ARHGAP19: variants seen among roughly 807,000 people sequenced by gnomAD.
The protein encoded by ARHGAP19 is Rho GTPase activating protein 19, also known as rho GTPase-activating protein 19.
Under a neutral mutation model 60.9 loss-of-function variants are expected in ARHGAP19, and 48 were observed. That is an observed-to-expected ratio of 0.79 (90% CI 0.62 to 1.00). The LOEUF is 1.00. Ranked by LOEUF, ARHGAP19 falls within the 50% of genes least tolerant of loss-of-function variation. The pLI is 0.00. For synonymous variants in ARHGAP19, 209 were observed against 215.5 expected (o/e 0.97, Z 0.27); for missense variants, 562 against 597.2 (o/e 0.94, Z 0.61).
Position 97,223,392 on chromosome 10 carries a change from C to T in ARHGAP19, c.*2730G>A, listed in dbSNP as rs1285465339. ...CATTGGTCCCAATGCAAAAGTCTAT[C>T]ATTGTAAAAGGTGAGAAATTCCAAC... On this transcript the variant is annotated 3_prime_UTR_variant, in exon 12 of 12. Transcript: ENST00000358531. 1 of 152,134 alleles carries T rather than the reference C, an allele frequency of 6.6e-6. No individual in the cohort carries two copies. The highest frequency in any genetic ancestry group is 2.4e-5 in the African/African-American group (1 of 41,402). 9.4% of individuals were successfully genotyped at this position (152,134 alleles called of 1,614,324 possible). A position where few individuals can be genotyped will look rare whatever the true frequency, so the allele number is the denominator to read the frequency against.
intron 1 of ARHGAP19, among the ~76,000 whole-genome samples, chr10:97,268,750 C>T (rs1364912944): frequency 6.6e-6 from 1 of 152,202 alleles, no homozygotes; most frequent in Middle Eastern, 3.2e-3. Context: ...TCCCACTGGG[C>T]TCCTCCCACA....
chr10:97,224,590 C>T lies in ARHGAP19; in HGVS notation c.*1532G>A, dbSNP rs1006001767. 43 of 152,354 alleles carry T rather than the reference C, an allele frequency of 2.8e-4. No homozygotes were observed. The highest frequency in any genetic ancestry group is 1.8e-3 in the Admixed American group (27 of 15,302). The allele number at this position is 152,354 out of a possible 1,614,324, so 9.4% of individuals were successfully genotyped here. A position where few individuals can be genotyped will look rare whatever the true frequency, so the allele number is the denominator to read the frequency against. ...GCTGGGCACAAGGCCAAGCTCTGCT[C>T]CCCCAGAGTCATCTTTCATTTCAGC... On this transcript the variant is annotated 3_prime_UTR_variant, in exon 12 of 12. Transcript: ENST00000358531.
chr10:97,249,975 G>A (rs1249901437), intron 6 of ARHGAP19, among the ~76,000 whole-genome samples: 3 of 151,896 alleles, frequency 2.0e-5, no homozygotes, highest in African/African-American at 2.4e-5. Flanking sequence ...TAGTAGAGAC[G>A]GGGTTTCACC....
chr10:97,283,446 C>T (rs1190776391), intron 1 of ARHGAP19, among the ~76,000 whole-genome samples: 6 of 151,470 alleles, frequency 4.0e-5, no homozygotes, highest in East Asian at 2.0e-4. Context: ...CCCAGCTACT[C>T]GGGAGGCCGA....
At chr10:97,291,064 G>A (rs1233286635) in intron 1 of ARHGAP19, among the ~76,000 whole-genome samples, 13 of 152,054 alleles carry the variant, frequency 8.5e-5, no homozygotes. Flanking sequence ...CAATCAGAGA[G>A]CTCACTAAAA....
intron 1 of ARHGAP19, 90 bp downstream of exon 1, chr10:97,292,482 A>C: frequency 6.7e-7 from 1 of 1,501,482 alleles, no homozygotes; most frequent in Non-Finnish European, 9.2e-7. Flanking sequence ...ACAAAGCCCG[A>C]ACCGTGCGCC....
At chr10:97,246,807 C>A (rs1371284009) in intron 6 of ARHGAP19, among the ~76,000 whole-genome samples, 2 of 152,042 alleles carry the variant, frequency 1.3e-5, no homozygotes, top group African/African-American at 2.4e-5. Context: ...TTGAGACCAG[C>A]CTGGGCAACA....
intron 1 of ARHGAP19, among the ~76,000 whole-genome samples, chr10:97,283,831 TAA>T (rs55665818): frequency 2.9e-4 from 37 of 126,832 alleles, no homozygotes; most frequent in African/African-American, 6.8e-4. Flanking sequence ...TCATCTCTAT[TAA>T]AAAAAAAAAA....
intron 6 of ARHGAP19, among the ~76,000 whole-genome samples, chr10:97,249,433 C>T (rs1842609814): frequency 6.6e-6 from 1 of 152,052 alleles, no homozygotes; most frequent in African/African-American, 2.4e-5. Context: ...GTATCTTTGC[C>T]AAAAATGCTT....
intron 11 of ARHGAP19, among the ~76,000 whole-genome samples, chr10:97,228,251 T>C (rs1282341669): frequency 2.0e-5 from 3 of 152,272 alleles, no homozygotes; most frequent in African/African-American, 7.2e-5. Context: ...ATAGTAATTA[T>C]GCTCATATCC....
chr10:97,284,090 C>A (rs777098485), intron 1 of ARHGAP19, among the ~76,000 whole-genome samples: 6 of 151,942 alleles, frequency 3.9e-5, no homozygotes, highest in African/African-American at 9.7e-5. Flanking sequence ...CACACCACCA[C>A]ACCTAGCTTT....
At position 97,266,118 on chromosome 10, in the gene ARHGAP19, T is replaced by C. The variant is rs1420539714; in HGVS notation, c.64A>G (p.Ile22Val). ...PARESGRSDAICSFVICNDSS... is the reference protein window; with the variant it reads ...PARESGRSDAVCSFVICNDSS... The stretch of plus-strand genomic sequence containing the variant: ...TCATTGCAGATCACAAAACTGCAGA[T>C]GGCATCACTGAAAAACACAGAAGAA... The change falls in exon 2 of 12, where the codon ATC becomes GTC. Residue 22 changes from isoleucine to valine, a missense_variant. Coordinates refer to ENST00000358531, the MANE Select transcript of ARHGAP19 (RefSeq NM_032900.6). 6 of 1,613,640 alleles carry C rather than the reference T, an allele frequency of 3.7e-6. No individual in the cohort carries two copies. The highest frequency in any genetic ancestry group is 5.1e-6 in the Non-Finnish European group (6 of 1,179,748).
chr10:97,236,699 C>T (rs946167374), intron 8 of ARHGAP19, among the ~76,000 whole-genome samples: 5 of 148,424 alleles, frequency 3.4e-5, no homozygotes, highest in Non-Finnish European at 5.9e-5. Flanking sequence ...CTCAGCTACT[C>T]GGGAGGCTGT....
At chr10:97,258,524 ACT>A (rs1028254488) in intron 5 of ARHGAP19, 1 of 151,642 alleles carries the variant, frequency 6.6e-6, no homozygotes, top group South Asian at 2.1e-4. Context: ...ACAGAGGAAG[ACT>A]CTGTCTCAAA....
intron 9 of ARHGAP19, among the ~76,000 whole-genome samples, chr10:97,234,415 T>TAAAAAAA (rs10592924): frequency 4.0e-5 from 5 of 124,164 alleles, no homozygotes; most frequent in African/African-American, 9.4e-5. Context: ...AAATAAAAAT[T>TAAAAAAA]AAAAAAAAAA....
chr10:97,267,873 T>A (rs531049692), intron 1 of ARHGAP19, among the ~76,000 whole-genome samples: 1 of 152,372 alleles, frequency 6.6e-6, no homozygotes, highest in East Asian at 1.9e-4. Flanking sequence ...TTTTTCCTTG[T>A]ACGCCTCCAG....
intron 2 of ARHGAP19, 125 bp from the exon 3 acceptor site, chr10:97,265,031 A>C: frequency 1.4e-6 from 1 of 708,934 alleles, no homozygotes; most frequent in East Asian, 2.7e-5. Context: ...CAGTAAACAA[A>C]AACCTTAGAA....
rs869291841 is a variant in ARHGAP19, at chr10:97,231,059, C to CAA, written c.1285-1187_1285-1186dup. Among the ~76,000 whole-genome samples the CAA allele has an allele frequency of 9.0e-3, 540 of 59,754 alleles. 89 individuals are homozygous for CAA. Among genetic ancestry groups the CAA allele is most frequent in the Admixed American group, 0.017 (61 of 3,676 alleles). 39.2% of individuals were successfully genotyped at this position (59,754 alleles called of 152,430 possible). A position where few individuals can be genotyped will look rare whatever the true frequency, so the allele number is the denominator to read the frequency against. ...ACACCTAGTGAGACTCTTGTCTCAC[C>CAA]AAAAAAAAAAAAAAAAAAAAAAAAA... On this transcript the variant is annotated intron_variant, in intron 9 of 11. Transcript: ENST00000358531.
At chr10:97,248,518 T>C (rs1156683727) in intron 6 of ARHGAP19, among the ~76,000 whole-genome samples, 1 of 151,982 alleles carries the variant, frequency 6.6e-6, no homozygotes, top group Non-Finnish European at 1.5e-5. Context: ...TCTGAATTGG[T>C]GGTATTAATA....
Sources: gnomAD v4.1 joint callset for allele counts (sites outside exome capture counted in the v4.1 genomes callset) on GRCh38, gnomAD v4.1.1 for gene constraint, MANE v1.5 for transcripts, NCBI Gene and HGNC (gene_info 2026-07-23, HGNC 2026-07-21) for gene names.